Variants in CHD9 observed in about 807,000 individuals in gnomAD.
CHD9 encodes the protein chromodomain helicase DNA binding protein 9.
In CHD9, 77 loss-of-function variants were observed where a neutral mutation model predicts 316.1. The ratio of observed to expected loss-of-function variants is 0.24; its 90% CI spans 0.20 to 0.29. CHD9 has a LOEUF of 0.29. Among genes scored for constraint, CHD9 ranks in the 10% least tolerant of loss-of-function variants. The pLI, the probability that CHD9 is intolerant of heterozygous loss-of-function variation, is 1.00. For missense variants in CHD9, 2,763 were observed against 3,438.1 expected, an observed-to-expected ratio of 0.80 and a Z score of 4.91; for synonymous variants, 1,129 against 1,158.3, an observed-to-expected ratio of 0.97 and a Z score of 0.51.
intron 1 of CHD9, among the ~76,000 whole-genome samples, chr16:53,140,410 C>T (rs1460662789): frequency 1.6e-5 from 2 of 127,198 alleles, no homozygotes; most frequent in Non-Finnish European, 3.2e-5. Flanking sequence ...GAGCACAACT[C>T]TGTCTCAAAA....
intron 1 of CHD9, among the ~76,000 whole-genome samples, chr16:53,080,674 G>T (rs1567313318): frequency 6.6e-6 from 1 of 152,202 alleles, no homozygotes; most frequent in East Asian, 1.9e-4. Context: ...TAAATACCGT[G>T]ACTCTCTGCA....
intron 25 of CHD9, 138 bp from the exon 26 acceptor site, chr16:53,286,088 C>A: frequency 1.9e-6 from 1 of 534,434 alleles, no homozygotes; most frequent in Non-Finnish European, 3.3e-6. Context: ...TTCTAGAAAA[C>A]ATACTTAACC....
intron 3 of CHD9, among the ~76,000 whole-genome samples, chr16:53,214,915 C>CT (rs71143973): frequency 2.3e-4 from 28 of 123,376 alleles, no homozygotes; most frequent in Non-Finnish European, 2.9e-4. Flanking sequence ...CAATATATAT[C>CT]TTTTTTTTTT....
chr16:53,250,135 A>G, intron 17 of CHD9, 69 bp downstream of exon 17: 1 of 1,067,578 alleles, frequency 9.4e-7, no homozygotes, highest in East Asian at 2.4e-5. Flanking sequence ...CTTTTTGGTA[A>G]TCCACATCTT....
At chr16:53,104,752 C>T (rs2037174401) in intron 1 of CHD9, among the ~76,000 whole-genome samples, 1 of 148,362 alleles carries the variant, frequency 6.7e-6, no homozygotes, top group Admixed American at 6.8e-5. Context: ...GCGGAGGTTG[C>T]AGTGAGCTGA....
chr16:53,118,671 G>A (rs988367266), intron 1 of CHD9, among the ~76,000 whole-genome samples: 3 of 151,644 alleles, frequency 2.0e-5, no homozygotes, highest in Admixed American at 6.6e-5. Context: ...TAATTAATAC[G>A]CATCCTCAGC....
intron 34 of CHD9, among the ~76,000 whole-genome samples, chr16:53,309,529 A>G (rs1597956004): frequency 6.6e-6 from 1 of 152,370 alleles, no homozygotes; most frequent in East Asian, 1.9e-4. Context: ...ATCTTTTGGC[A>G]GTTTGAATCA....
intron 1 of CHD9, among the ~76,000 whole-genome samples, chr16:53,098,615 A>G (rs540657680): frequency 5.3e-5 from 8 of 152,290 alleles, no homozygotes; most frequent in African/African-American, 1.4e-4. Context: ...TTGTAAACCA[A>G]CATCAGCAAT....
At chr16:53,056,602 T>G (rs939797115) in intron 1 of CHD9, among the ~76,000 whole-genome samples, 1 of 152,234 alleles carries the variant, frequency 6.6e-6, no homozygotes, top group Non-Finnish European at 1.5e-5. Context: ...AACAATACTC[T>G]GCTGTTTCCC....
At chr16:53,131,816 T>G (rs1257542456) in intron 1 of CHD9, among the ~76,000 whole-genome samples, 1 of 152,152 alleles carries the variant, frequency 6.6e-6, no homozygotes, top group Non-Finnish European at 1.5e-5. Context: ...TTCCCAGGCC[T>G]TGCCTCTCGG....
At chr16:53,238,628 G>C in intron 12 of CHD9, 42 bp downstream of exon 12, 1 of 1,594,916 alleles carries the variant, frequency 6.3e-7, no homozygotes, top group Admixed American at 1.7e-5. Flanking sequence ...AAAGGTCAGG[G>C]CTGAAAAAGA....
intron 22 of CHD9, among the ~76,000 whole-genome samples, chr16:53,271,071 C>G (rs760292564): frequency 6.0e-5 from 9 of 151,154 alleles, no homozygotes; most frequent in Non-Finnish European, 1.3e-4. Flanking sequence ...AGGAATAAAA[C>G]TAAAGGGCTT....
chr16:53,203,941 G>A lies in CHD9; in HGVS notation c.1453-5541G>A, dbSNP rs565613555. On this transcript the variant is annotated intron_variant, in intron 2 of 38. Coordinates refer to ENST00000447540, the MANE Select transcript of CHD9 (RefSeq NM_001308319.2). The stretch of plus-strand genomic sequence containing the variant: ...CGTGAGCCTGAGGCAGGAGAATGGC[G>A]TGAACCTGGGAGGCGGAGCTTGCAG... Among the ~76,000 whole-genome samples, 456 of 148,826 alleles carry A rather than the reference G, an allele frequency of 3.1e-3. 2 individuals carry two copies. Among genetic ancestry groups the A allele is most frequent in the African/African-American group, 9.8e-3 (395 of 40,426 alleles).
chr16:53,256,233 C>T (rs985046797), intron 19 of CHD9, among the ~76,000 whole-genome samples: 23 of 151,906 alleles, frequency 1.5e-4, no homozygotes, highest in South Asian at 2.1e-4. Flanking sequence ...GGAGCCAAGG[C>T]GGGTGGATAC....
chr16:53,169,977 T>A (rs911529594), intron 2 of CHD9, among the ~76,000 whole-genome samples: 5 of 152,058 alleles, frequency 3.3e-5, no homozygotes, highest in South Asian at 2.1e-4. Flanking sequence ...GACATTTTTT[T>A]AAAATACAGG....
intron 1 of CHD9, among the ~76,000 whole-genome samples, chr16:53,108,664 C>T (rs1597013960): frequency 6.6e-6 from 1 of 151,978 alleles, no homozygotes; most frequent in East Asian, 1.9e-4. Context: ...CACCTGAGAT[C>T]AGGAGTTTGA....
chr16:53,287,896 C>A, intron 26 of CHD9, 61 bp from the exon 27 acceptor site: 2 of 1,313,990 alleles, frequency 1.5e-6, no homozygotes, highest in Non-Finnish European at 2.2e-6. Flanking sequence ...AAGACTTTGT[C>A]CTATCAAGTG....
At chr16:53,314,610 A>G (rs2056741133) in intron 35 of CHD9, 94 bp downstream of exon 35, 4 of 1,109,506 alleles carry the variant, frequency 3.6e-6, no homozygotes, top group Non-Finnish European at 5.0e-6. Flanking sequence ...TTTATAGACT[A>G]TTAGTAAGGA....
At chr16:53,098,586 C>CTGCTTTT (rs1186529810) in intron 1 of CHD9, among the ~76,000 whole-genome samples, 1 of 152,122 alleles carries the variant, frequency 6.6e-6, no homozygotes, top group Non-Finnish European at 1.5e-5. Flanking sequence ...CAATGTTTGG[C>CTGCTTTT]TGCTTTTTTC....
Sources: gnomAD v4.1 joint callset for allele counts (sites outside exome capture counted in the v4.1 genomes callset) on GRCh38, gnomAD v4.1.1 for gene constraint, MANE v1.5 for transcripts, NCBI Gene and HGNC (gene_info 2026-07-23, HGNC 2026-07-21) for gene names.